OR8J1: variants seen among roughly 807,000 people sequenced by gnomAD.
OR8J1 encodes olfactory receptor 8J1.
For synonymous variants in OR8J1, 157 were observed against 144.3 expected (o/e 1.09, Z -0.63); for missense variants, 400 against 373.0 (o/e 1.07, Z -0.60).
intron 1 of OR8J1, among the ~76,000 whole-genome samples, chr11:56,359,728 T>A (rs1167446903): frequency 6.6e-6 from 1 of 152,130 alleles, no homozygotes; most frequent in African/African-American, 2.4e-5. Flanking sequence ...TGGTAAAATG[T>A]ATGAGTTAAA....
At chr11:56,355,443 C>A (rs1195115271) in intron 1 of OR8J1, among the ~76,000 whole-genome samples, 8 of 151,944 alleles carry the variant, frequency 5.3e-5, no homozygotes, top group Non-Finnish European at 2.9e-5. Context: ...TGAGACCAAC[C>A]TGGTCAACAC....
intron 1 of OR8J1, among the ~76,000 whole-genome samples, chr11:56,359,549 T>G (rs1852605717): frequency 6.6e-6 from 1 of 151,920 alleles, no homozygotes; most frequent in Non-Finnish European, 1.5e-5. Context: ...GAAAGTAGTA[T>G]CCAGTAAAGC....
At chr11:56,357,135 A>G (rs1262253592) in intron 1 of OR8J1, among the ~76,000 whole-genome samples, 2 of 152,154 alleles carry the variant, frequency 1.3e-5, no homozygotes, top group African/African-American at 4.8e-5. Context: ...GGTTATTTTA[A>G]AATTTCCATT....
At chr11:56,355,404 G>A (rs1854955407) in intron 1 of OR8J1, among the ~76,000 whole-genome samples, 1 of 152,138 alleles carries the variant, frequency 6.6e-6, no homozygotes, top group Non-Finnish European at 1.5e-5. Flanking sequence ...GGGAGGCCGA[G>A]GCGGGTGCAT....
rs1202744227 is a variant in OR8J1, at chr11:56,360,325, C to T, written c.79C>T (p.Leu27Phe). Reference protein sequence around the residue: ...VSSCPELQIPLFLVFLVLYGL... With the variant: ...VSSCPELQIPFFLVFLVLYGL... ...TAGCTGTCCAGAGCTCCAGATTCCC[C>T]TCTTCCTGGTCTTTCTGGTGCTCTA... The change falls in exon 2 of 2, where the codon CTC (leucine) becomes TTC (phenylalanine). Residue 27 changes from leucine to phenylalanine, a missense_variant. By Grantham distance (22) the Leu-to-Phe change is conservative. Transcript: ENST00000533152. 1 of 1,613,960 alleles carries T rather than the reference C, an allele frequency of 6.2e-7. No homozygotes were observed. The highest frequency in any genetic ancestry group is 1.1e-5 in the South Asian group (1 of 91,060).
At chr11:56,356,500 T>C (rs1854970574) in intron 1 of OR8J1, among the ~76,000 whole-genome samples, 1 of 152,066 alleles carries the variant, frequency 6.6e-6, no homozygotes, top group African/African-American at 2.4e-5. Flanking sequence ...GACTGAAAGC[T>C]ACAGACAGAA....
chr11:56,357,366 A>T (rs886489032), intron 1 of OR8J1: 3 of 722,866 alleles, frequency 4.2e-6, no homozygotes, highest in Non-Finnish European at 7.4e-6. Flanking sequence ...ACTTTAAGAG[A>T]TATACCAAGT....
chr11:56,359,757 T>C (rs1485515524), intron 1 of OR8J1, among the ~76,000 whole-genome samples: 1 of 152,150 alleles, frequency 6.6e-6, no homozygotes, highest in Non-Finnish European at 1.5e-5. Flanking sequence ...ATACACATTA[T>C]ACAAGGATGA....
chr11:56,359,655 A>G lies in OR8J1; in HGVS notation c.-20-572A>G, dbSNP rs537405894. Among the ~76,000 whole-genome samples the G allele has an allele frequency of 5.3e-5, 8 of 152,254 alleles. No individual in the cohort carries two copies. The South Asian group carries it at 1.5e-3, about 28-fold the overall frequency. The stretch of plus-strand genomic sequence containing the variant: ...TCACCTGAAAAATAAATGTGAGGGC[A>G]TATCTCCATGTATTTTAGTCAGAGT... On this transcript the variant is annotated intron_variant, in intron 1 of 1. Transcript: ENST00000533152.
intron 1 of OR8J1, among the ~76,000 whole-genome samples, chr11:56,354,554 A>T (rs117715884): frequency 0.012 from 1,876 of 152,334 alleles, 23 homozygotes; most frequent in Non-Finnish European, 0.019. Flanking sequence ...AAATGGCATC[A>T]TTATGTCTCA....
At chr11:56,358,562 A>G (rs1481950406) in intron 1 of OR8J1, among the ~76,000 whole-genome samples, 1 of 152,172 alleles carries the variant, frequency 6.6e-6, no homozygotes, top group African/African-American at 2.4e-5. Context: ...TCTTAAAATA[A>G]AAGTTGAAGA....
rs754943666 is a variant in OR8J1, at chr11:56,361,053, T to C, written c.807T>C (p.Asp269=). The C allele has an allele frequency of 1.3e-6, 2 of 1,505,644 alleles. No individual in the cohort carries two copies. The highest frequency in any genetic ancestry group is 2.9e-5 in the South Asian group (2 of 68,592). 93.3% of individuals were successfully genotyped at this position (1,505,644 alleles called of 1,614,324 possible). The stretch of plus-strand genomic sequence containing the variant: ...AGCCCCGAAGTAACCATTCACTGGA[T>C]ACTGATGATAAGATGGCTTCTGTGT... ...YVQPRSNHSL[D]TDDKMASVFY... is the part of the protein sequence containing the mutation. Residue 269 remains aspartate (D), a synonymous_variant, in exon 2 of 2, where the codon GAT becomes GAC. Coordinates refer to ENST00000533152, the MANE Select transcript of OR8J1 (RefSeq NM_001005205.3).
In OR8J1 at chr11:56,361,382, G is replaced by T; in HGVS notation, c.*185G>T. ...TAAACTGAAACCCTTTGAGTTGTGAGGTTAAGTTAGAAAAAAAAAATGTTA... is the reference window on the plus strand; with the variant it reads ...TAAACTGAAACCCTTTGAGTTGTGATGTTAAGTTAGAAAAAAAAAATGTTA... On this transcript the variant is annotated 3_prime_UTR_variant, in exon 2 of 2. Coordinates refer to ENST00000533152, the MANE Select transcript of OR8J1 (RefSeq NM_001005205.3). 2.5e-6 allele frequency: 1 copy of T among 394,232 alleles called. No homozygotes were observed. The highest frequency in any genetic ancestry group is 4.5e-6 in the Non-Finnish European group (1 of 224,458). 24.4% of individuals were successfully genotyped at this position (394,232 alleles called of 1,614,324 possible).
Position 56,360,682 on chromosome 11 carries a change from T to C in OR8J1, c.436T>C (p.Ser146Pro), listed in dbSNP as rs770802098. The change falls in exon 2 of 2, where the codon TCC becomes CCC. Residue 146 changes from serine (S) to proline (P), a missense_variant. Coordinates refer to ENST00000533152, the MANE Select transcript of OR8J1 (RefSeq NM_001005205.3). Reference sequence around the variant, plus strand: ...TCGGCGGCTCTGCCTCCTGCTGGTCTCCCTCACATACCTCTATGGCTTTTC... The same window carrying C: ...TCGGCGGCTCTGCCTCCTGCTGGTCCCCCTCACATACCTCTATGGCTTTTC... ...VSRRLCLLLV[S>P]LTYLYGFSTA... 42 of 1,612,256 alleles carry C rather than the reference T, an allele frequency of 2.6e-5. No individual in the cohort carries two copies. The highest frequency in any genetic ancestry group is 3.5e-5 in the Non-Finnish European group (41 of 1,179,434).
At chr11:56,357,274 G>T in intron 1 of OR8J1, 2 of 402,342 alleles carry the variant, frequency 5.0e-6, no homozygotes, top group Non-Finnish European at 9.0e-6. Context: ...ACAATTCAAG[G>T]CCTGCAGGTC....
In OR8J1 at chr11:56,360,979, A is replaced by G; in HGVS notation, c.733A>G (p.Met245Val). Reference sequence around the variant, plus strand: ...AGCCTTTTCTACCTGTGCTTCACATATGATGGCAGTCACAATTTTTTATGG... The same window carrying G: ...AGCCTTTTCTACCTGTGCTTCACATGTGATGGCAGTCACAATTTTTTATGG... ...KKAFSTCASH[M>V]MAVTIFYGTL... Residue 245 changes from methionine to valine, a missense_variant, in exon 2 of 2, where the codon ATG (methionine) becomes GTG (valine). Physicochemically the swap from Met to Val is conservative, Grantham distance 21. Transcript: ENST00000533152. The G allele has an allele frequency of 6.8e-7, 1 of 1,478,022 alleles. No individual in the cohort carries two copies. Among genetic ancestry groups the G allele is most frequent in the Non-Finnish European group, 8.9e-7 (1 of 1,118,758 alleles). 91.6% of individuals were successfully genotyped at this position (1,478,022 alleles called of 1,614,324 possible). A position where few individuals can be genotyped will look rare whatever the true frequency, so the allele number is the denominator to read the frequency against.
rs1852618798 is a variant in OR8J1 at position 56,360,453 on chromosome 11, T to C, written c.207T>C (p.Ile69=). 6.2e-7 allele frequency: 1 copy of C among 1,614,018 alleles called. No individual in the cohort carries two copies. The highest frequency in any genetic ancestry group is 1.7e-5 in the Admixed American group (1 of 59,972). ...TTTTCCTGCAACATCTGGCTCTCATTAATCTTGGTAACTCTACTGTCATTG... is the reference window on the plus strand; with the variant it reads ...TTTTCCTGCAACATCTGGCTCTCATCAATCTTGGTAACTCTACTGTCATTG... The part of the protein sequence containing the change: ...MYFFLQHLAL[I]NLGNSTVIAP... Residue 69 remains isoleucine, a synonymous_variant, in exon 2 of 2, where the codon ATT becomes ATC. Transcript: ENST00000533152.
chr11:56,358,746 T>C (rs1375906336), intron 1 of OR8J1, among the ~76,000 whole-genome samples: 1 of 152,208 alleles, frequency 6.6e-6, no homozygotes, highest in African/African-American at 2.4e-5. Context: ...GATTTTTGTA[T>C]GTTTCCTTTC....
chr11:56,360,360 C>T lies in OR8J1; in HGVS notation c.114C>T (p.Thr38=), dbSNP rs1404034585. Reference sequence around the variant, plus strand: ...TCTTTCTGGTGCTCTATGGGCTGACCATGGCAGGGAACCTGGGCATCATCA... The same window carrying T: ...TCTTTCTGGTGCTCTATGGGCTGACTATGGCAGGGAACCTGGGCATCATCA... The part of the protein sequence containing the change: ...FLVFLVLYGL[T]MAGNLGIITL... Residue 38 remains threonine (T), a synonymous_variant, in exon 2 of 2, where the codon ACC becomes ACT. Transcript: ENST00000533152. 9.9e-6 allele frequency: 16 copies of T among 1,614,132 alleles called. No homozygotes were observed. In the East Asian group the frequency reaches 3.3e-4, roughly 34 times the overall value.
Sources: gnomAD v4.1 joint callset for allele counts (sites outside exome capture counted in the v4.1 genomes callset) on GRCh38, gnomAD v4.1.1 for gene constraint, MANE v1.5 for transcripts, NCBI Gene and HGNC (gene_info 2026-07-23, HGNC 2026-07-21) for gene names.